The following DCBLD1 variants were observed in gnomAD, a reference collection of about 807,000 sequenced individuals.
The protein encoded by DCBLD1 is discoidin, CUB and LCCL domain containing 1, also known as discoidin, CUB and LCCL domain-containing protein 1.
A neutral mutation model predicts 71.5 loss-of-function variants in DCBLD1; 57 were observed. The ratio of observed to expected loss-of-function variants is 0.80; its 90% CI spans 0.64 to 0.99. The LOEUF (loss-of-function observed/expected upper bound fraction) is 0.99. Ranked by LOEUF, DCBLD1 falls within the 50% of genes least tolerant of loss-of-function variation. The probability of loss-of-function intolerance (pLI) is 0.00; values close to 1 mark genes in which losing one functional copy is unlikely to be tolerated. For synonymous variants in DCBLD1, 380 were observed against 363.8 expected (o/e 1.04, Z -0.51); for missense variants, 891 against 923.5 (o/e 0.96, Z 0.46).
intron 14 of DCBLD1, among the ~76,000 whole-genome samples, chr6:117,565,103 T>A (rs1470818847): frequency 6.6e-6 from 1 of 152,126 alleles, no homozygotes; most frequent in Non-Finnish European, 1.5e-5. Flanking sequence ...TTGTTAAAAA[T>A]GACAATAAAT....
intron 1 of DCBLD1, among the ~76,000 whole-genome samples, chr6:117,491,572 A>G (rs1020627708): frequency 5.3e-5 from 8 of 152,324 alleles, no homozygotes; most frequent in Middle Eastern, 6.8e-3. Flanking sequence ...CCACAATGTT[A>G]TGAGCACACC....
intron 14 of DCBLD1, among the ~76,000 whole-genome samples, chr6:117,558,352 G>A (rs1039164355): frequency 9.9e-5 from 15 of 152,144 alleles, no homozygotes; most frequent in Admixed American, 7.9e-4. Flanking sequence ...TGCTATTCTT[G>A]TAGATGTTGT....
chr6:117,548,469 C>T lies in DCBLD1; in HGVS notation c.*30C>T. 1 of 1,549,198 alleles carries T rather than the reference C, an allele frequency of 6.5e-7. No individual in the cohort carries two copies. On this transcript the variant is annotated 3_prime_UTR_variant, in exon 15 of 15. Coordinates refer to ENST00000338728, the MANE Select transcript of DCBLD1 (RefSeq NM_001366458.2). Reference sequence around the variant, plus strand: ...AATGTGAAAGAAGCCTGCTGTGGTACTGAGCGTCGGGCTGTCACAAGGCAC... The same window carrying T: ...AATGTGAAAGAAGCCTGCTGTGGTATTGAGCGTCGGGCTGTCACAAGGCAC...
At chr6:117,551,026 A>G (rs969772620), downstream of DCBLD1, among the ~76,000 whole-genome samples, 11 of 152,076 alleles carry the variant, frequency 7.2e-5, no homozygotes, top group Admixed American at 6.5e-4. Context: ...CACATTGCAC[A>G]CCCACCCACA....
At chr6:117,543,705 A>G (rs1779174214) in intron 12 of DCBLD1, among the ~76,000 whole-genome samples, 1 of 152,194 alleles carries the variant, frequency 6.6e-6, no homozygotes, top group Non-Finnish European at 1.5e-5. Flanking sequence ...GACCTTTGGT[A>G]AAGACTTAAC....
chr6:117,503,682 C>T, intron 1 of DCBLD1, 85 bp from the exon 2 acceptor site: 1 of 1,420,398 alleles, frequency 7.0e-7, no homozygotes, highest in Non-Finnish European at 9.7e-7. Context: ...AAATACATAA[C>T]TTGGAGATTG....
intron 1 of DCBLD1, among the ~76,000 whole-genome samples, chr6:117,484,732 T>A (rs1005567245): frequency 2.6e-5 from 4 of 152,182 alleles, no homozygotes; most frequent in African/African-American, 9.7e-5. Flanking sequence ...AATTTCGTAT[T>A]AGACTTTTAT....
chr6:117,498,143 T>C (rs1777529410), intron 1 of DCBLD1, among the ~76,000 whole-genome samples: 1 of 152,198 alleles, frequency 6.6e-6, no homozygotes, highest in African/African-American at 2.4e-5. Flanking sequence ...ATAGATCACT[T>C]TGGGAGTTCT....
At chr6:117,515,968 A>G (rs1315692156) in intron 2 of DCBLD1, among the ~76,000 whole-genome samples, 1 of 152,206 alleles carries the variant, frequency 6.6e-6, no homozygotes, top group East Asian at 1.9e-4. Flanking sequence ...CACAGTCTGA[A>G]GAGAAAATAG....
intron 1 of DCBLD1, among the ~76,000 whole-genome samples, chr6:117,487,251 G>A (rs1777120572): frequency 6.6e-6 from 1 of 152,004 alleles, no homozygotes; most frequent in Admixed American, 6.6e-5. Flanking sequence ...AGCTCAATAG[G>A]GGATGGGTGC....
At position 117,548,533 on chromosome 6, in the gene DCBLD1, T is replaced by TATCGGTGTGTGTGTACAC; in HGVS notation, c.*95_*112dup. The TATCGGTGTGTGTGTACAC allele has an allele frequency of 5.3e-6, 8 of 1,515,608 alleles. No homozygotes were observed. Among genetic ancestry groups the TATCGGTGTGTGTGTACAC allele is most frequent in the Non-Finnish European group, 7.0e-6 (8 of 1,136,114 alleles). The allele number at this position is 1,515,608 out of a possible 1,614,324, so 93.9% of individuals were successfully genotyped here. A position where few individuals can be genotyped will look rare whatever the true frequency, so the allele number is the denominator to read the frequency against. On this transcript the variant is annotated 3_prime_UTR_variant, in exon 15 of 15. Transcript: ENST00000338728. Reference sequence around the variant, plus strand: ...CCTGCTGGTCCAGAGTGTGCGTGTGTATCGGTGTGTGTGTACACTTGCATG... The same window carrying TATCGGTGTGTGTGTACAC: ...CCTGCTGGTCCAGAGTGTGCGTGTGTATCGGTGTGTGTGTACACATCGGTGTGTGTGTACACTTGCATG...
chr6:117,568,026 C>CAAAAAAAAA (rs779227271), intron 14 of DCBLD1, among the ~76,000 whole-genome samples: 1 of 46,656 alleles, frequency 2.1e-5, no homozygotes. Context: ...CCCATCTCTA[C>CAAAAAAAAA]AAAAAAAAAA....
At chr6:117,561,286 C>T (rs961330814) in intron 14 of DCBLD1, 3 of 223,894 alleles carry the variant, frequency 1.3e-5, no homozygotes, top group Middle Eastern at 2.8e-3. Flanking sequence ...CCTCTTCATA[C>T]ACTTATTCGG....
chr6:117,488,850 G>A (rs1010807728), intron 1 of DCBLD1, among the ~76,000 whole-genome samples: 2 of 152,110 alleles, frequency 1.3e-5, no homozygotes, highest in African/African-American at 4.8e-5. Flanking sequence ...ACATCATTTG[G>A]GGACAGTGTC....
chr6:117,547,575 C>T (rs545231276), intron 14 of DCBLD1: 50 of 594,354 alleles, frequency 8.4e-5, no homozygotes, highest in Non-Finnish European at 1.6e-4. Flanking sequence ...TCTCCATTTC[C>T]ACACTGTGTG....
At chr6:117,505,730 C>T (rs1298586902) in intron 2 of DCBLD1, among the ~76,000 whole-genome samples, 7 of 152,054 alleles carry the variant, frequency 4.6e-5, no homozygotes, top group African/African-American at 1.4e-4. Flanking sequence ...ACTGGGAGGC[C>T]TAGGAGGAAT....
At chr6:117,500,323 A>G (rs924220438) in intron 1 of DCBLD1, among the ~76,000 whole-genome samples, 1 of 152,226 alleles carries the variant, frequency 6.6e-6, no homozygotes, top group Non-Finnish European at 1.5e-5. Context: ...TTTTTAATAA[A>G]TTAGGACTCA....
chr6:117,507,587 G>C (rs1257733000), intron 2 of DCBLD1, among the ~76,000 whole-genome samples: 1 of 152,118 alleles, frequency 6.6e-6, no homozygotes, highest in East Asian at 1.9e-4. Flanking sequence ...CTATAGCTAA[G>C]GGAATTCTAG....
intron 8 of DCBLD1, 158 bp downstream of exon 8, chr6:117,538,993 T>C (rs956379315): frequency 1.1e-6 from 1 of 874,326 alleles, no homozygotes; most frequent in African/African-American, 1.7e-5. Context: ...ATTCTTTCTG[T>C]GAAAAGAATC....
Sources: allele counts gnomAD v4.1 joint callset (sites outside exome capture counted in the v4.1 genomes callset), GRCh38; gene constraint gnomAD v4.1.1; transcripts MANE v1.5; gene names NCBI Gene and HGNC (gene_info 2026-07-23, HGNC 2026-07-21).